The following DCAF6 variants were observed in gnomAD, a reference collection of about 807,000 sequenced individuals.
DCAF6 encodes the protein DDB1- and CUL4-associated factor 6.
DCAF6 carries 54 observed loss-of-function variants against 125.1 expected under a neutral mutation model. That is an observed-to-expected ratio of 0.43 (90% CI 0.35 to 0.54). The LOEUF (loss-of-function observed/expected upper bound fraction) is 0.54, where lower values mean the gene tolerates loss of function less well. Among genes scored for constraint, DCAF6 ranks in the 20% least tolerant of loss-of-function variants. The pLI, the probability that DCAF6 is intolerant of heterozygous loss-of-function variation, is 0.01. For missense variants in DCAF6, 934 were observed against 1,161.7 expected, an observed-to-expected ratio of 0.80 and a Z score of 2.85; for synonymous variants, 371 against 390.4, an observed-to-expected ratio of 0.95 and a Z score of 0.58.
chr1:167,951,754 T>G, intron 1 of DCAF6, 46 bp from the exon 2 acceptor site: 1 of 1,240,252 alleles, frequency 8.1e-7, no homozygotes, highest in South Asian at 1.3e-5. Flanking sequence ...TATATTTTTC[T>G]CAGTATTTGT....
At chr1:168,022,300 T>C (rs775657151) in intron 11 of DCAF6, among the ~76,000 whole-genome samples, 1 of 152,244 alleles carries the variant, frequency 6.6e-6, no homozygotes, top group Non-Finnish European at 1.5e-5. Flanking sequence ...GCTGTTCTAT[T>C]TGAAGCCAAG....
intron 10 of DCAF6, among the ~76,000 whole-genome samples, chr1:168,007,115 T>C (rs1044855866): frequency 2.6e-5 from 4 of 152,226 alleles, no homozygotes; most frequent in African/African-American, 9.6e-5. Flanking sequence ...TCATTCACAA[T>C]GAAAAGTACT....
intron 2 of DCAF6, among the ~76,000 whole-genome samples, 185 bp from the exon 3 acceptor site, chr1:167,966,444 C>T (rs1426558076): frequency 6.6e-6 from 1 of 151,942 alleles, no homozygotes; most frequent in East Asian, 1.9e-4. Flanking sequence ...TATGTGTGGC[C>T]GGAGACAATT....
intron 10 of DCAF6, among the ~76,000 whole-genome samples, chr1:168,009,522 C>T (rs1344240752): frequency 1.3e-5 from 2 of 148,774 alleles, no homozygotes; most frequent in Admixed American, 6.7e-5. Flanking sequence ...TTCCTTCTTT[C>T]CTCCATCCCT....
intron 1 of DCAF6, among the ~76,000 whole-genome samples, chr1:167,947,214 A>T (rs766051409): frequency 6.6e-5 from 10 of 151,724 alleles, no homozygotes; most frequent in Non-Finnish European, 1.2e-4. Context: ...ATCAGTTGTA[A>T]TGTCTCCTTT....
At chr1:167,937,060 GA>G in intron 1 of DCAF6, 52 bp downstream of exon 1, 1 of 1,472,714 alleles carries the variant, frequency 6.8e-7, no homozygotes, top group Non-Finnish European at 9.4e-7. Context: ...TAGAGTGGGG[GA>G]GGGGGCACGC....
chr1:167,921,610 C>T, the DCAF6 span, among the ~76,000 whole-genome samples: 23 of 152,204 alleles, frequency 1.5e-4, no homozygotes, highest in African/African-American at 5.3e-4. Flanking sequence ...TGCACTCATG[C>T]GTTTTTGCTC....
the DCAF6 span, among the ~76,000 whole-genome samples, chr1:167,928,131 G>A: frequency 2.0e-5 from 3 of 152,022 alleles, no homozygotes; most frequent in Admixed American, 2.0e-4. Flanking sequence ...GGCGGATCAC[G>A]AGGTCAGAAG....
chr1:167,869,582 G>A, the DCAF6 span, among the ~76,000 whole-genome samples: 4 of 152,132 alleles, frequency 2.6e-5, no homozygotes, highest in Non-Finnish European at 4.4e-5. Context: ...GTTAAAATTC[G>A]ACCCCTGACC....
Position 167,995,465 on chromosome 1 carries a change from A to T in DCAF6, c.903+2025A>T, listed in dbSNP as rs1681512752. 2.0e-5 allele frequency among the ~76,000 whole-genome samples: 3 copies of T among 152,164 alleles called. No homozygotes were observed. In the South Asian group the frequency reaches 6.2e-4, roughly 32 times the overall value. On this transcript the variant is annotated intron_variant, in intron 7 of 21. Coordinates refer to ENST00000367840, the MANE Select transcript of DCAF6 (RefSeq NM_001198956.2). ...GAGGTCGAGGCGAGTGGATCACCTG[A>T]GGTCAGGAGTTCAAGACCAACCTGG...
intron 1 of DCAF6, among the ~76,000 whole-genome samples, chr1:167,951,074 A>G (rs59261808): frequency 0.028 from 4,315 of 152,276 alleles, 149 homozygotes; most frequent in African/African-American, 0.081. Flanking sequence ...TCTGCATAGC[A>G]CTATACTAAC....
At chr1:167,938,563 GC>G (rs1411978275) in intron 1 of DCAF6, among the ~76,000 whole-genome samples, 1 of 152,142 alleles carries the variant, frequency 6.6e-6, no homozygotes, top group African/African-American at 2.4e-5. Flanking sequence ...ATTGAACATA[GC>G]TGGAGTCTGG....
the DCAF6 span, among the ~76,000 whole-genome samples, chr1:167,925,442 C>CATATATATATATATATAT: frequency 2.8e-4 from 23 of 82,450 alleles, no homozygotes; most frequent in Non-Finnish European, 4.8e-4. Context: ...TACATATACA[C>CATATATATATATATATAT]ATATATATAT....
rs770135084 is a variant in DCAF6, at chr1:167,966,676, C to T, written c.207C>T (p.Gly69=). 25 of 1,604,524 alleles carry T rather than the reference C, an allele frequency of 1.6e-5. No homozygotes were observed. The highest frequency in any genetic ancestry group is 3.3e-4 in the Middle Eastern group (2 of 6,038). Residue 69 remains glycine (G), a synonymous_variant, in exon 3 of 22, where the codon GGC becomes GGT. Transcript: ENST00000367840. ...ACACTGGAGAATATATTTTATCTGG[C>T]TCAGATGACACCAAATTAGTAATTA... ...WNDTGEYILS[G]SDDTKLVISN...
chr1:167,919,965 T>G, the DCAF6 span: 5 of 1,576,780 alleles, frequency 3.2e-6, no homozygotes, highest in Non-Finnish European at 2.6e-6. Flanking sequence ...TAAAAATATC[T>G]CTGGTAGGCT....
chr1:167,952,523 T>C (rs890180295), intron 2 of DCAF6, among the ~76,000 whole-genome samples: 13 of 152,134 alleles, frequency 8.5e-5, no homozygotes, highest in African/African-American at 3.1e-4. Context: ...TCCCATATCC[T>C]CTTTTTTGAA....
chr1:167,924,405 A>AT, the DCAF6 span: 3 of 1,055,360 alleles, frequency 2.8e-6, no homozygotes, highest in African/African-American at 4.9e-5. Context: ...AGAATACTCT[A>AT]AAGTATATCC....
At chr1:168,034,503 T>C (rs1446394194) in intron 12 of DCAF6, among the ~76,000 whole-genome samples, 1 of 152,180 alleles carries the variant, frequency 6.6e-6, no homozygotes, top group East Asian at 1.9e-4. Context: ...AGCAAGACCC[T>C]GTCTATGGAA....
chr1:168,074,784 A>G (rs556188504), intron 21 of DCAF6, among the ~76,000 whole-genome samples: 2 of 152,290 alleles, frequency 1.3e-5, no homozygotes, highest in Admixed American at 6.5e-5. Context: ...AAGTATCCCA[A>G]GCAGAGGAAT....
Sources: gnomAD v4.1 joint callset for allele counts (sites outside exome capture counted in the v4.1 genomes callset) on GRCh38, gnomAD v4.1.1 for gene constraint, MANE v1.5 for transcripts, NCBI Gene and HGNC (gene_info 2026-07-23, HGNC 2026-07-21) for gene names.